POLE4: variants seen among roughly 807,000 people sequenced by gnomAD.
POLE4 encodes the protein DNA polymerase epsilon subunit 4.
Under a neutral mutation model 15.6 loss-of-function variants are expected in POLE4, and 15 were observed. The ratio of observed to expected loss-of-function variants is 0.96; its 90% CI spans 0.64 to 1.48. POLE4 has a LOEUF of 1.48. Among genes scored for constraint, POLE4 ranks in the 40% most tolerant of loss-of-function variants. The pLI is 0.00. For missense variants in POLE4, 205 were observed against 151.9 expected, an observed-to-expected ratio of 1.35 and a Z score of -1.84; for synonymous variants, 83 against 63.2, an observed-to-expected ratio of 1.31 and a Z score of -1.49.
chr2:74,963,257 C>G (rs1351748938), intron 3 of POLE4, among the ~76,000 whole-genome samples: 4 of 152,120 alleles, frequency 2.6e-5, no homozygotes, highest in Non-Finnish European at 5.9e-5. Context: ...ATGATAATTC[C>G]CATTGCTTCT....
At chr2:74,965,878 T>C (rs2103681865) in intron 3 of POLE4, among the ~76,000 whole-genome samples, 1 of 152,310 alleles carries the variant, frequency 6.6e-6, no homozygotes, top group Admixed American at 6.5e-5. Context: ...TTTTTATCTT[T>C]CCATATATTT....
At chr2:74,965,861 CT>C (rs773612077) in intron 3 of POLE4, among the ~76,000 whole-genome samples, 9 of 152,016 alleles carry the variant, frequency 5.9e-5, no homozygotes, top group Non-Finnish European at 1.0e-4. Flanking sequence ...TTTTGTAAAT[CT>C]TTTAATTTTT....
intron 3 of POLE4, among the ~76,000 whole-genome samples, chr2:74,964,811 T>C (rs1671273456): frequency 6.6e-6 from 1 of 152,122 alleles, no homozygotes. Flanking sequence ...TTTTGTGAAG[T>C]TCTTTCCAAT....
intron 1 of POLE4, 33 bp downstream of exon 1, chr2:74,958,925 G>A: frequency 5.8e-6 from 9 of 1,540,778 alleles, no homozygotes; most frequent in Non-Finnish European, 7.9e-6. Flanking sequence ...TGCGGGAGTG[G>A]GGGAGGTGGA....
intron 3 of POLE4, among the ~76,000 whole-genome samples, chr2:74,965,757 T>C (rs1474946819): frequency 6.6e-6 from 1 of 152,238 alleles, no homozygotes; most frequent in Non-Finnish European, 1.5e-5. Context: ...GCTATTGTTA[T>C]TTCTAACTGC....
intron 3 of POLE4, among the ~76,000 whole-genome samples, chr2:74,968,126 A>G (rs1036471669): frequency 6.6e-6 from 1 of 152,090 alleles, no homozygotes; most frequent in Non-Finnish European, 1.5e-5. Flanking sequence ...CTGTCTCTAG[A>G]TTTCACATTT....
chr2:74,963,213 C>G (rs1244131450), intron 3 of POLE4, among the ~76,000 whole-genome samples: 1 of 152,196 alleles, frequency 6.6e-6, no homozygotes, highest in Non-Finnish European at 1.5e-5. Context: ...TGCTGAACTT[C>G]CTGTATTCCA....
intron 3 of POLE4, among the ~76,000 whole-genome samples, chr2:74,965,017 A>G (rs1671275823): frequency 6.6e-6 from 1 of 151,966 alleles, no homozygotes; most frequent in Admixed American, 6.5e-5. Context: ...TGTTTATAAA[A>G]GAGATTAGTC....
At chr2:74,964,177 C>T (rs755124428) in intron 3 of POLE4, among the ~76,000 whole-genome samples, 41 of 152,194 alleles carry the variant, frequency 2.7e-4, no homozygotes, top group Non-Finnish European at 5.6e-4. Flanking sequence ...TTTCTGTTCT[C>T]TTCCATTGAT....
intron 3 of POLE4, among the ~76,000 whole-genome samples, chr2:74,962,098 T>C (rs957991001): frequency 6.6e-6 from 1 of 152,226 alleles, no homozygotes; most frequent in African/African-American, 2.4e-5. Flanking sequence ...CGGTATGTAT[T>C]GACTTCCTGC....
chr2:74,959,115 C>T (rs72822155), intron 1 of POLE4: 13,398 of 610,668 alleles, frequency 0.022, 190 homozygotes, highest in Non-Finnish European at 0.026. Flanking sequence ...ATTTGTATCT[C>T]CAGGGCCTCG....
intron 2 of POLE4, 69 bp from the exon 3 acceptor site, chr2:74,960,036 T>G: frequency 7.6e-7 from 1 of 1,312,432 alleles, no homozygotes; most frequent in Non-Finnish European, 1.1e-6. Flanking sequence ...TCACTGCAGA[T>G]TGTGCTGTTT....
intron 2 of POLE4, chr2:74,959,873 C>A: frequency 1.9e-6 from 1 of 519,998 alleles, no homozygotes; most frequent in Non-Finnish European, 3.4e-6. Flanking sequence ...GGCCCCCAAC[C>A]CCCGCGTTGA....
intron 1 of POLE4, 25 bp downstream of exon 1, chr2:74,958,917 C>A: frequency 6.8e-7 from 1 of 1,461,812 alleles, no homozygotes; most frequent in East Asian, 2.8e-5. Context: ...CGAGGGCATG[C>A]GGGAGTGGGG....
At chr2:74,959,517 G>C in intron 2 of POLE4, 92 bp downstream of exon 2, 1 of 786,980 alleles carries the variant, frequency 1.3e-6, no homozygotes, top group South Asian at 1.6e-5. Flanking sequence ...TCTGATCTGA[G>C]AGGTGCCACA....
At chr2:74,965,211 A>G (rs949192597) in intron 3 of POLE4, among the ~76,000 whole-genome samples, 8 of 151,252 alleles carry the variant, frequency 5.3e-5, no homozygotes, top group African/African-American at 1.9e-4. Context: ...CTCCTGCCTC[A>G]GCCTCTCGAG....
chr2:74,960,770 C>T (rs1174181992), intron 3 of POLE4, among the ~76,000 whole-genome samples: 4 of 152,322 alleles, frequency 2.6e-5, no homozygotes, highest in Admixed American at 1.3e-4. Flanking sequence ...TTTGGTCAGC[C>T]ATGGACTGCT....
intron 1 of POLE4, 164 bp from the exon 2 acceptor site, chr2:74,959,177 G>A: frequency 1.6e-6 from 1 of 621,370 alleles, no homozygotes; most frequent in Admixed American, 2.9e-5. Flanking sequence ...TGGGAAGAGG[G>A]TAGCGGAATG....
chr2:74,969,381 A>T lies in POLE4; in HGVS notation c.341-28A>T, dbSNP rs369570706. 6 of 1,612,060 alleles carry T rather than the reference A, an allele frequency of 3.7e-6. No individual in the cohort carries two copies. In the African/African-American group the frequency reaches 8.0e-5, roughly 22 times the overall value. ...CTAATCCAGCTTCTGAGGTCCCCTG[A>T]TATACTCATTGCTCTTTGTATGTTT... On this transcript the variant is annotated intron_variant, in intron 3 of 3. Transcript: ENST00000483063.
Sources: gnomAD v4.1 joint callset for allele counts (sites outside exome capture counted in the v4.1 genomes callset) on GRCh38, gnomAD v4.1.1 for gene constraint, MANE v1.5 for transcripts, NCBI Gene and HGNC (gene_info 2026-07-23, HGNC 2026-07-21) for gene names.